Variants in TP53BP2 observed in about 807,000 individuals in gnomAD.
TP53BP2 encodes the protein apoptosis-stimulating of p53 protein 2.
A neutral mutation model predicts 126.2 loss-of-function variants in TP53BP2; 62 were observed. That is an observed-to-expected ratio of 0.49 (90% CI 0.40 to 0.61). The LOEUF (loss-of-function observed/expected upper bound fraction) is 0.61. Ranked by LOEUF, TP53BP2 falls within the 20% of genes least tolerant of loss-of-function variation. The pLI is 0.00. For missense variants in TP53BP2, 1,215 were observed against 1,402.8 expected (o/e 0.87, Z 2.14); for synonymous variants, 485 against 502.9 (o/e 0.96, Z 0.48).
intron 9 of TP53BP2, among the ~76,000 whole-genome samples, chr1:223,801,063 G>A (rs968473623): frequency 2.0e-5 from 3 of 152,214 alleles, no homozygotes; most frequent in Non-Finnish European, 4.4e-5. Flanking sequence ...TCTTCACTGT[G>A]TTAGAAAACA....
rs1322198182 is a variant in TP53BP2 at position 223,845,912 on chromosome 1, C to G, written c.-232G>C. The G allele has an allele frequency of 3.7e-6, 1 of 271,598 alleles. No individual in the cohort carries two copies. The highest frequency in any genetic ancestry group is 2.3e-5 in the African/African-American group (1 of 44,246). 16.8% of individuals were successfully genotyped at this position (271,598 alleles called of 1,614,324 possible). On this transcript the variant is annotated 5_prime_UTR_variant, in exon 1 of 18. Transcript: ENST00000343537. ...GACGCGGCTTTGTCTCTTCGACGCT[C>G]GTGACGGTCGGGGCTCCCTCCTCCG...
Position 223,800,022 on chromosome 1 carries a change from C to T in TP53BP2, c.1362G>A (p.Arg454=). 6.2e-7 allele frequency: 1 copy of T among 1,611,118 alleles called. No homozygotes were observed. The highest frequency in any genetic ancestry group is 8.5e-7 in the Non-Finnish European group (1 of 1,178,916). The change falls in exon 11 of 18, where the codon AGG becomes AGA. Residue 454 remains arginine (R), a synonymous_variant. Transcript: ENST00000343537. ...ACGGACGCACTTTCTTCTCTTTCTC[C>T]CTCAGCGGAACCTCTCCATCATCAA... ...DQVDDGEVPL[R]EKEKKVRPFS...
At position 223,823,323 on chromosome 1, in the gene TP53BP2, G is replaced by A. The variant is rs1421545817; in HGVS notation, c.28-1956C>T. Among the ~76,000 whole-genome samples the A allele has an allele frequency of 3.9e-5, 6 of 152,104 alleles. No individual in the cohort carries two copies. The South Asian group carries it at 6.2e-4, about 16-fold the overall frequency. ...GGAAACTGGCTAAGACATCAGACTC[G>A]GTGCCTCAAGAATTGGTCAGAGAAA... On this transcript the variant is annotated intron_variant, in intron 1 of 17. Transcript: ENST00000343537.
intron 1 of TP53BP2, among the ~76,000 whole-genome samples, chr1:223,830,147 G>A (rs756163923): frequency 2.6e-5 from 4 of 152,138 alleles, no homozygotes; most frequent in African/African-American, 7.2e-5. Flanking sequence ...TATCTGAAAC[G>A]CTTGGGACCA....
At chr1:223,799,483 T>C (rs748776816) in intron 11 of TP53BP2, among the ~76,000 whole-genome samples, 5 of 152,206 alleles carry the variant, frequency 3.3e-5, no homozygotes, top group South Asian at 2.1e-4. Context: ...TGGAATTTCA[T>C]GCAATCTAGA....
chr1:223,791,275 T>TAAAAATA (rs1662147110), intron 15 of TP53BP2, among the ~76,000 whole-genome samples: 1 of 150,474 alleles, frequency 6.6e-6, no homozygotes, highest in Non-Finnish European at 1.5e-5. Flanking sequence ...AAAATAAAAA[T>TAAAAATA]AAAAATAAAA....
chr1:223,834,019 T>C (rs763203570), intron 1 of TP53BP2, among the ~76,000 whole-genome samples: 1 of 152,062 alleles, frequency 6.6e-6, no homozygotes, highest in East Asian at 1.9e-4. Flanking sequence ...ACTTGAAACA[T>C]CTGAAGGAAG....
chr1:223,810,193 A>T (rs1337961605), intron 4 of TP53BP2, among the ~76,000 whole-genome samples: 4 of 152,178 alleles, frequency 2.6e-5, no homozygotes, highest in African/African-American at 7.2e-5. Flanking sequence ...TACTTCCTCA[A>T]ACTTGCTCAG....
At chr1:223,841,851 T>G (rs922321561) in intron 1 of TP53BP2, among the ~76,000 whole-genome samples, 1 of 151,898 alleles carries the variant, frequency 6.6e-6, no homozygotes, top group African/African-American at 2.4e-5. Flanking sequence ...GCCATAAACT[T>G]AGGAATTAAA....
At chr1:223,837,823 C>T (rs373635551) in intron 1 of TP53BP2, among the ~76,000 whole-genome samples, 1 of 152,050 alleles carries the variant, frequency 6.6e-6, no homozygotes. Context: ...CCTTCCCATG[C>T]CACCTCCACC....
At chr1:223,800,914 AG>A in intron 9 of TP53BP2, 104 bp from the exon 10 acceptor site, 1 of 726,904 alleles carries the variant, frequency 1.4e-6, no homozygotes, top group South Asian at 1.8e-5. Flanking sequence ...TTTAAATTCC[AG>A]ACTCACAACA....
intron 10 of TP53BP2, 106 bp downstream of exon 10, chr1:223,800,594 C>A (rs1014906510): frequency 2.6e-5 from 22 of 854,036 alleles, no homozygotes; most frequent in Admixed American, 2.0e-4. Context: ...TTAAAAAAAA[C>A]AAAAAAAGGA....
At chr1:223,831,483 ATATAT>A (rs1384504543) in intron 1 of TP53BP2, among the ~76,000 whole-genome samples, 456 of 31,340 alleles carry the variant, frequency 0.015, 12 homozygotes, top group East Asian at 0.049. Context: ...AAAAAAAAAT[ATATAT>A]ATATATATAT....
At chr1:223,834,683 A>G in intron 1 of TP53BP2, 1 of 283,938 alleles carries the variant, frequency 3.5e-6, no homozygotes, top group Non-Finnish European at 5.3e-6. Context: ...TGAGGAATCT[A>G]AAATAGCCAC....
In TP53BP2 at chr1:223,826,565, T is replaced by A. The variant is rs192349818; in HGVS notation, c.28-5198A>T. On this transcript the variant is annotated intron_variant, in intron 1 of 17. Transcript: ENST00000343537. ...GAAATGGGAAGTGACTGCTAATAGG[T>A]ACAGGGCTACTTTTTGGGGTGATGA... Among the ~76,000 whole-genome samples, 7 of 152,286 alleles carry A rather than the reference T, an allele frequency of 4.6e-5. No homozygotes were observed. In the East Asian group the frequency reaches 1.3e-3, roughly 29 times the overall value.
chr1:223,787,229 G>A (rs1023437512), intron 16 of TP53BP2, among the ~76,000 whole-genome samples: 2 of 152,038 alleles, frequency 1.3e-5, no homozygotes, highest in Non-Finnish European at 1.5e-5. Context: ...TTATATTAAC[G>A]CCCATAACTT....
At chr1:223,830,785 G>A (rs1348771459) in intron 1 of TP53BP2, among the ~76,000 whole-genome samples, 1 of 152,172 alleles carries the variant, frequency 6.6e-6, no homozygotes, top group Non-Finnish European at 1.5e-5. Context: ...ACAATACTAA[G>A]TGTTTTTAAC....
intron 1 of TP53BP2, among the ~76,000 whole-genome samples, chr1:223,828,836 A>G (rs1487102293): frequency 1.3e-5 from 2 of 152,214 alleles, no homozygotes; most frequent in African/African-American, 2.4e-5. Context: ...AAGGGGGAAT[A>G]GGGAGTGACT....
chr1:223,807,576 T>C (rs1237957129), intron 4 of TP53BP2, among the ~76,000 whole-genome samples: 1 of 150,520 alleles, frequency 6.6e-6, no homozygotes, highest in Non-Finnish European at 1.5e-5. Context: ...ACAAAAAAGC[T>C]ACCAGATAAA....
Sources: allele counts gnomAD v4.1 joint callset (sites outside exome capture counted in the v4.1 genomes callset), GRCh38; gene constraint gnomAD v4.1.1; transcripts MANE v1.5; gene names NCBI Gene and HGNC (gene_info 2026-07-23, HGNC 2026-07-21).